Variants in GET4 observed in about 807,000 individuals in gnomAD.
GET4 encodes the protein guided entry of tail-anchored proteins factor 4.
Under a neutral mutation model 40.0 loss-of-function variants are expected in GET4, and 20 were observed. That is an observed-to-expected ratio of 0.50 (90% CI 0.35 to 0.73). GET4 has a LOEUF of 0.73. Ranked by LOEUF, GET4 falls within the 30% of genes least tolerant of loss-of-function variation. GET4 has a pLI of 0.01. For synonymous variants in GET4, 280 were observed against 194.6 expected (o/e 1.44, Z -3.65); for missense variants, 557 against 454.0 (o/e 1.23, Z -2.06).
chr7:894,064 G>A (rs1031537470), intron 8 of GET4, 93 bp downstream of exon 8: 30 of 682,426 alleles, frequency 4.4e-5, no homozygotes, highest in African/African-American at 1.5e-4. Flanking sequence ...GGTCCTTCAC[G>A]TGGAAGTGGT....
At chr7:886,762 G>A (rs1383430404) in intron 3 of GET4, 112 bp downstream of exon 3, 8 of 749,994 alleles carry the variant, frequency 1.1e-5, no homozygotes, top group Non-Finnish European at 1.9e-5. Context: ...GTGTGCTGTG[G>A]GGTGAACTCT....
chr7:883,363 C>A, intron 1 of GET4: 1 of 246,506 alleles, frequency 4.1e-6, no homozygotes, highest in Non-Finnish European at 6.5e-6. Flanking sequence ...CAGCTTCCGT[C>A]TGCCAAGAGA....
At chr7:894,569 G>A (rs940756551) in intron 8 of GET4, among the ~76,000 whole-genome samples, 13 of 152,112 alleles carry the variant, frequency 8.5e-5, no homozygotes, top group Admixed American at 3.3e-4. Flanking sequence ...AGACACCCTG[G>A]CCCTCACCGT....
At chr7:878,521 T>G (rs2128626164) in intron 1 of GET4, among the ~76,000 whole-genome samples, 1 of 152,180 alleles carries the variant, frequency 6.6e-6, no homozygotes, top group East Asian at 1.9e-4. Flanking sequence ...GCAGTTGGTC[T>G]GGCCTTTATA....
At chr7:889,738 C>T (rs1309589871) in intron 4 of GET4, among the ~76,000 whole-genome samples, 9 of 101,182 alleles carry the variant, frequency 8.9e-5, no homozygotes, top group Non-Finnish European at 1.6e-4. Flanking sequence ...GGTGTTAGGA[C>T]GGGGTCTGGG....
chr7:880,696 C>G (rs558303014), intron 1 of GET4: 43 of 152,372 alleles, frequency 2.8e-4, no homozygotes, highest in African/African-American at 1.0e-3. Flanking sequence ...TGGCTTGGAG[C>G]CTTTCAAGCC....
At chr7:884,302 T>G (rs1449813685) in intron 1 of GET4, 1 of 1,303,952 alleles carries the variant, frequency 7.7e-7, no homozygotes. Flanking sequence ...GCTCCCGGCC[T>G]CCTCTGAGTC....
intron 1 of GET4, 131 bp from the exon 2 acceptor site, chr7:885,925 C>G: frequency 1.5e-6 from 1 of 686,696 alleles, no homozygotes; most frequent in South Asian, 1.6e-5. Context: ...CACCTGGGCC[C>G]TGGGAGCGGC....
chr7:892,773 G>T (rs1844358013), intron 6 of GET4, among the ~76,000 whole-genome samples: 1 of 151,066 alleles, frequency 6.6e-6, no homozygotes, highest in African/African-American at 2.4e-5. Context: ...CATGTGGTGT[G>T]GGGGTGTGTA....
At position 888,375 on chromosome 7, in the gene GET4, G is replaced by A. The variant is rs555767019; in HGVS notation, c.466+856G>A. On this transcript the variant is annotated intron_variant, in intron 4 of 8. Coordinates refer to ENST00000265857, the MANE Select transcript of GET4 (RefSeq NM_015949.3). ...GACCTTGTCCCTGGTCATGCGAAAC[G>A]CATGCCCATCCGACCTCCGACCTTG... Among the ~76,000 whole-genome samples, 14 of 152,302 alleles carry A rather than the reference G, an allele frequency of 9.2e-5. No homozygotes were observed. In the South Asian group the frequency reaches 2.5e-3, roughly 27 times the overall value.
intron 3 of GET4, 36 bp downstream of exon 3, chr7:886,686 C>CA: frequency 7.2e-7 from 1 of 1,383,818 alleles, no homozygotes; most frequent in East Asian, 2.3e-5. Context: ...GACCCTGTGA[C>CA]AGCGGCCCCA....
At chr7:889,678 T>C (rs1844272605) in intron 4 of GET4, among the ~76,000 whole-genome samples, 1 of 138,074 alleles carries the variant, frequency 7.2e-6, no homozygotes, top group African/African-American at 2.7e-5. Context: ...GGACGGGGTC[T>C]GGGGCGAGCG....
At chr7:887,602 AC>A in intron 4 of GET4, 83 bp downstream of exon 4, 1 of 1,097,428 alleles carries the variant, frequency 9.1e-7, no homozygotes, top group Non-Finnish European at 1.2e-6. Context: ...CATCAGGGTC[AC>A]CCACCAGGGC....
chr7:887,050 C>T (rs891540421), intron 3 of GET4: 8 of 585,212 alleles, frequency 1.4e-5, no homozygotes, highest in Non-Finnish European at 2.3e-5. Flanking sequence ...GTCCCTGCTG[C>T]TCTGGGAGAT....
intron 6 of GET4, 38 bp from the exon 7 acceptor site, chr7:893,702 C>G: frequency 7.1e-7 from 1 of 1,407,556 alleles, no homozygotes. Context: ...TGGTCCTGTT[C>G]TGCTCACCCA....
chr7:887,267 C>T, intron 3 of GET4, 103 bp from the exon 4 acceptor site: 1 of 1,183,850 alleles, frequency 8.4e-7, no homozygotes, highest in Middle Eastern at 1.9e-4. Flanking sequence ...GGTTCCTCTC[C>T]CTGTTAAGTA....
intron 4 of GET4, 126 bp from the exon 5 acceptor site, chr7:890,789 CCTCTGCCTGTGGG>C: frequency 2.9e-6 from 2 of 678,100 alleles, no homozygotes; most frequent in Non-Finnish European, 5.3e-6. Context: ...CCTATCAGGA[CCTCTGCCTGTGGG>C]CTCTGGCTGG....
intron 5 of GET4, among the ~76,000 whole-genome samples, chr7:892,010 G>A (rs117266763): frequency 0.041 from 6,180 of 152,356 alleles, 143 homozygotes; most frequent in Non-Finnish European, 0.048. Context: ...TGCTCAGTGC[G>A]TCACGTAGTC....
At chr7:895,278 T>C (rs1419715098) in intron 8 of GET4, 56 bp from the exon 9 acceptor site, 1 of 838,356 alleles carries the variant, frequency 1.2e-6, no homozygotes, top group Admixed American at 2.1e-5. Flanking sequence ...AAGGAGGGGC[T>C]TGGGGGCCTG....
Sources: allele counts gnomAD v4.1 joint callset (sites outside exome capture counted in the v4.1 genomes callset), GRCh38; gene constraint gnomAD v4.1.1; transcripts MANE v1.5; gene names NCBI Gene and HGNC (gene_info 2026-07-23, HGNC 2026-07-21).